CTXND2: variants seen among roughly 807,000 people sequenced by gnomAD.
CTXND2 encodes cortexin domain containing 2.
intron 1 of CTXND2, among the ~76,000 whole-genome samples, chr1:150,900,002 C>T (rs1274219350): frequency 6.6e-6 from 1 of 152,106 alleles, no homozygotes; most frequent in Non-Finnish European, 1.5e-5. Flanking sequence ...ATGGACCAAT[C>T]AGTGCTCTGT....
intron 1 of CTXND2, among the ~76,000 whole-genome samples, chr1:150,897,227 G>A (rs1025534825): frequency 3.9e-5 from 6 of 152,184 alleles, no homozygotes; most frequent in Non-Finnish European, 7.3e-5. Context: ...GAATAAGAGT[G>A]TTTTCAGGAA....
At chr1:150,901,962 C>A (rs936208007) in intron 1 of CTXND2, among the ~76,000 whole-genome samples, 3 of 151,172 alleles carry the variant, frequency 2.0e-5, no homozygotes, top group Admixed American at 6.6e-5. Context: ...AAATAATAGT[C>A]TTTTTAATAA....
chr1:150,894,349 A>G (rs1668888066), intron 1 of CTXND2, among the ~76,000 whole-genome samples: 1 of 152,202 alleles, frequency 6.6e-6, no homozygotes, highest in African/African-American at 2.4e-5. Flanking sequence ...GAATTTGCTA[A>G]TTATAGGGCA....
At chr1:150,890,320 C>G (rs1668830938) in intron 1 of CTXND2, among the ~76,000 whole-genome samples, 1 of 149,630 alleles carries the variant, frequency 6.7e-6, no homozygotes, top group Non-Finnish European at 1.5e-5. Context: ...ACTAAGAAGA[C>G]AGATTTGGCT....
At chr1:150,911,380 A>G (rs1422905489) in intron 1 of CTXND2, among the ~76,000 whole-genome samples, 1 of 151,444 alleles carries the variant, frequency 6.6e-6, no homozygotes, top group Non-Finnish European at 1.5e-5. Context: ...TTTCTTTTTC[A>G]GAATTTTCTT....
intron 1 of CTXND2, among the ~76,000 whole-genome samples, chr1:150,894,323 T>G (rs1668887750): frequency 6.6e-6 from 1 of 152,180 alleles, no homozygotes; most frequent in South Asian, 2.1e-4. Context: ...GATTAAAGAC[T>G]ACAATGGAAA....
At chr1:150,900,429 G>A (rs997895716) in intron 1 of CTXND2, among the ~76,000 whole-genome samples, 1 of 152,192 alleles carries the variant, frequency 6.6e-6, no homozygotes, top group Non-Finnish European at 1.5e-5. Flanking sequence ...TTTAAGAACT[G>A]TAACACTCAC....
At chr1:150,900,245 C>T (rs756141808) in intron 1 of CTXND2, among the ~76,000 whole-genome samples, 3 of 149,898 alleles carry the variant, frequency 2.0e-5, no homozygotes, top group Non-Finnish European at 4.5e-5. Context: ...AGTGAGACCA[C>T]GAACCCACCG....
At chr1:150,899,117 TAAATAAATAAATAAAC>T (rs1417284556) in intron 1 of CTXND2, among the ~76,000 whole-genome samples, 9 of 118,232 alleles carry the variant, frequency 7.6e-5, no homozygotes, top group South Asian at 2.9e-4. Flanking sequence ...AATAAATAAA[TAAATAAATAAATAAAC>T]AAACAAACAA....
rs1553235145 is a variant in CTXND2 at position 150,898,931 on chromosome 1, A to AAAT, written c.-74+11619_-74+11620insATA. Among the ~76,000 whole-genome samples the AAAT allele has an allele frequency of 4.7e-3, 647 of 139,078 alleles. 6 individuals carry two copies. The highest frequency in any genetic ancestry group is 0.011 in the Admixed American group (157 of 13,880). The allele number at this position is 139,078 out of a possible 152,430, so 91.2% of individuals were successfully genotyped here. On this transcript the variant is annotated intron_variant, in intron 1 of 1. Transcript: ENST00000636087. ...TCTCTACTAAAAATACAAAAAAAAAAATATATATATATATATATTAGCTGG... is the reference window on the plus strand; with the variant it reads ...TCTCTACTAAAAATACAAAAAAAAAAAATATATATATATATATATATTAGCTGG...
intron 1 of CTXND2, among the ~76,000 whole-genome samples, chr1:150,900,894 C>G (rs1360366399): frequency 2.0e-5 from 3 of 152,084 alleles, no homozygotes; most frequent in Non-Finnish European, 4.4e-5. Flanking sequence ...GTGGGAGGAT[C>G]ACTTAAGTCC....
chr1:150,908,855 C>T (rs1239864615), intron 1 of CTXND2, among the ~76,000 whole-genome samples: 1 of 151,918 alleles, frequency 6.6e-6, no homozygotes, highest in African/African-American at 2.4e-5. Context: ...AACTCCTGAC[C>T]TCAAGTGATC....
intron 1 of CTXND2, among the ~76,000 whole-genome samples, chr1:150,911,191 G>T (rs587619928): frequency 6.6e-6 from 1 of 150,550 alleles, no homozygotes; most frequent in African/African-American, 2.4e-5. Flanking sequence ...CAAGTGATCC[G>T]CCTGCCTCGG....
intron 1 of CTXND2, among the ~76,000 whole-genome samples, chr1:150,898,935 T>A (rs375298791): frequency 0.017 from 1,486 of 88,774 alleles, 20 homozygotes; most frequent in South Asian, 0.063. Flanking sequence ...AAAAAAAATA[T>A]ATATATATAT....
chr1:150,910,101 A>G (rs1320723661), intron 1 of CTXND2, among the ~76,000 whole-genome samples: 1 of 147,714 alleles, frequency 6.8e-6, no homozygotes, highest in Non-Finnish European at 1.5e-5. Context: ...CAGAAGGTCA[A>G]TTTCTTTTTC....
intron 1 of CTXND2, among the ~76,000 whole-genome samples, chr1:150,911,441 A>ATT (rs773402445): frequency 5.0e-5 from 7 of 139,974 alleles, no homozygotes; most frequent in Admixed American, 1.4e-4. Flanking sequence ...ATGTAAATTT[A>ATT]TTTTTTTTTT....
At chr1:150,887,767 G>A (rs1433719328) in intron 1 of CTXND2, among the ~76,000 whole-genome samples, 1 of 152,076 alleles carries the variant, frequency 6.6e-6, no homozygotes, top group Non-Finnish European at 1.5e-5. Flanking sequence ...ATGGCCAGGA[G>A]AGAAAAACTG....
At chr1:150,909,699 C>A (rs1227375042) in intron 1 of CTXND2, among the ~76,000 whole-genome samples, 1 of 152,034 alleles carries the variant, frequency 6.6e-6, no homozygotes, top group Non-Finnish European at 1.5e-5. Context: ...GAAATTGTTA[C>A]CAAAACACCA....
chr1:150,889,205 C>T (rs942787591), intron 1 of CTXND2, among the ~76,000 whole-genome samples: 2 of 151,880 alleles, frequency 1.3e-5, no homozygotes, highest in African/African-American at 2.4e-5. Flanking sequence ...GTCAGGAGAT[C>T]GAGACCATCC....
Sources: gnomAD v4.1 joint callset for allele counts (sites outside exome capture counted in the v4.1 genomes callset) on GRCh38, gnomAD v4.1.1 for gene constraint, MANE v1.5 for transcripts, NCBI Gene and HGNC (gene_info 2026-07-23, HGNC 2026-07-21) for gene names.